The following VWA3A variants were observed in gnomAD, a reference collection of about 807,000 sequenced individuals.
VWA3A encodes the protein von Willebrand factor A domain containing 3A.
In VWA3A, 134 loss-of-function variants were observed where a neutral mutation model predicts 160.4. That is an observed-to-expected ratio of 0.84 (90% CI 0.73 to 0.96). VWA3A has a LOEUF of 0.96. VWA3A is among the 40% of genes least tolerant of loss of function. VWA3A has a pLI of 0.00. For synonymous variants in VWA3A, 476 were observed against 543.4 expected, an observed-to-expected ratio of 0.88 and a Z score of 1.72; for missense variants, 1,310 against 1,447.9, an observed-to-expected ratio of 0.90 and a Z score of 1.55.
chr16:22,107,965 A>G (rs1366104897), intron 6 of VWA3A, among the ~76,000 whole-genome samples: 1 of 152,206 alleles, frequency 6.6e-6, no homozygotes, highest in Non-Finnish European at 1.5e-5. Context: ...CCTGGAAGAC[A>G]TGTGTACTAA....
chr16:22,154,864 G>A (rs1432593619), intron 31 of VWA3A, among the ~76,000 whole-genome samples: 1 of 148,698 alleles, frequency 6.7e-6, no homozygotes, highest in African/African-American at 2.5e-5. Flanking sequence ...TGAGGCAGGA[G>A]AATGGCGTGA....
intron 31 of VWA3A, among the ~76,000 whole-genome samples, chr16:22,153,003 T>C (rs963502009): frequency 4.6e-5 from 7 of 152,164 alleles, no homozygotes; most frequent in African/African-American, 1.7e-4. Flanking sequence ...TAACCTCTTT[T>C]AATATTATAC....
At chr16:22,141,340 C>G in intron 23 of VWA3A, 1 of 642,636 alleles carries the variant, frequency 1.6e-6, no homozygotes, top group Non-Finnish European at 2.9e-6. Context: ...GCAGCATACT[C>G]AAAGCACTTA....
intron 8 of VWA3A, among the ~76,000 whole-genome samples, chr16:22,114,950 C>G (rs1411781624): frequency 6.6e-6 from 1 of 152,060 alleles, no homozygotes; most frequent in African/African-American, 2.4e-5. Context: ...GGATTACAGG[C>G]ATGTACCACC....
At chr16:22,124,829 C>T (rs190330342) in intron 16 of VWA3A, among the ~76,000 whole-genome samples, 9 of 152,120 alleles carry the variant, frequency 5.9e-5, no homozygotes, top group African/African-American at 1.2e-4. Context: ...TGGTAGGAAG[C>T]GGAACTTGAA....
intron 3 of VWA3A, among the ~76,000 whole-genome samples, chr16:22,099,109 A>T (rs2045368739): frequency 6.6e-6 from 1 of 151,848 alleles, no homozygotes; most frequent in Admixed American, 6.6e-5. Flanking sequence ...AGAAAAAAAA[A>T]AAAGTACCAT....
At position 22,100,180 on chromosome 16, in the gene VWA3A, CT is replaced by C; in HGVS notation, c.226-10del. 1 of 1,534,316 alleles carries C rather than the reference CT, an allele frequency of 6.5e-7. No individual in the cohort carries two copies. Among genetic ancestry groups the C allele is most frequent in the Non-Finnish European group, 8.8e-7 (1 of 1,140,490 alleles). ...TTTCCACTTCACGGTTTGACTCTGG[CT>C]TTTGTCTTGCAGAGGCTGCAGGGGA... On this transcript the variant is annotated splice_polypyrimidine_tract_variant and intron_variant, in intron 3 of 33. Coordinates refer to ENST00000389398, the MANE Select transcript of VWA3A (RefSeq NM_173615.5).
chr16:22,117,121 A>G lies in VWA3A; in HGVS notation c.935A>G (p.Lys312Arg). 1 of 1,582,026 alleles carries G rather than the reference A, an allele frequency of 6.3e-7. No individual in the cohort carries two copies. Among genetic ancestry groups the G allele is most frequent in the Non-Finnish European group, 8.6e-7 (1 of 1,163,790 alleles). Residue 312 changes from lysine to arginine, a missense_variant, in exon 11 of 34, where the codon AAG becomes AGG. Transcript: ENST00000389398. ...CDDQMPPAVL[K>R]NLAEAVRGYY... ...GCCTCATCCCTGCAGGCTGTCCTGA[A>G]GAACCTTGCAGAAGCTGTTAGGGGC...
At position 22,109,345 on chromosome 16, in the gene VWA3A, A is replaced by G. The variant is rs183226945; in HGVS notation, c.484-137A>G. The G allele has an allele frequency of 5.1e-5, 36 of 701,096 alleles. 1 individual carries two copies. The Admixed American group carries it at 8.8e-4, about 17-fold the overall frequency. The allele number at this position is 701,096 out of a possible 1,614,324, so 43.4% of individuals were successfully genotyped here. On this transcript the variant is annotated intron_variant, in intron 6 of 33. Coordinates refer to ENST00000389398, the MANE Select transcript of VWA3A (RefSeq NM_173615.5). ...TGACATTGGGTTTTGCTTTTCCCTTATAAAATGAGGTTTCCATCTGCTGCT... is the reference window on the plus strand; with the variant it reads ...TGACATTGGGTTTTGCTTTTCCCTTGTAAAATGAGGTTTCCATCTGCTGCT...
intron 16 of VWA3A, among the ~76,000 whole-genome samples, chr16:22,124,872 T>A (rs1006537905): frequency 2.6e-5 from 4 of 152,156 alleles, no homozygotes; most frequent in Admixed American, 2.6e-4. Flanking sequence ...CCCATAGATT[T>A]TCTTTTGCTA....
intron 21 of VWA3A, among the ~76,000 whole-genome samples, chr16:22,137,397 G>C (rs2046064770): frequency 6.6e-6 from 1 of 152,184 alleles, no homozygotes; most frequent in Non-Finnish European, 1.5e-5. Flanking sequence ...ACAAGTGGAG[G>C]CCACAGTGTC....
chr16:22,126,773 C>T (rs978269783), intron 17 of VWA3A, among the ~76,000 whole-genome samples: 5 of 151,918 alleles, frequency 3.3e-5, no homozygotes, highest in Non-Finnish European at 7.4e-5. Context: ...CTTGGGAGGC[C>T]GAGACAGGAG....
rs572038762 is a variant in VWA3A at position 22,097,594 on chromosome 16, G to A, written c.124G>A (p.Asp42Asn). The change falls in exon 3 of 34, where the codon GAT becomes AAT. Residue 42 changes from aspartate to asparagine, a missense_variant. By Grantham distance (23) the Asp-to-Asn change is conservative (BLOSUM62 1). Coordinates refer to ENST00000389398, the MANE Select transcript of VWA3A (RefSeq NM_173615.5). Reference protein sequence around the residue: ...NHCIRRNTGRDSKKPLKQKNM... With the variant: ...NHCIRRNTGRNSKKPLKQKNM... Reference sequence around the variant, plus strand: ...TAGCATTAGGAGAAACACTGGCAGAGATTCAAAGAAGCCACTAAAGCAGAA... The same window carrying A: ...TAGCATTAGGAGAAACACTGGCAGAAATTCAAAGAAGCCACTAAAGCAGAA... 4 of 1,551,642 alleles carry A rather than the reference G, an allele frequency of 2.6e-6. No homozygotes were observed. The highest frequency in any genetic ancestry group is 3.9e-5 in the Admixed American group (2 of 51,002).
At chr16:22,134,020 G>A (rs1429178766) in intron 20 of VWA3A, among the ~76,000 whole-genome samples, 2 of 152,062 alleles carry the variant, frequency 1.3e-5, no homozygotes, top group Non-Finnish European at 2.9e-5. Flanking sequence ...CTGGAGTGCA[G>A]TGGTGCCATC....
Position 22,134,435 on chromosome 16 carries a change from A to C in VWA3A, c.2136A>C (p.Gln712His). ...SEMEKALNYS[Q>H]KCAFLMASLK... ...TGGAAAAGGCTCTCAACTACTCCCAAAAGGTATGCCCTGGGCATGGGCCAA... is the reference window on the plus strand; with the variant it reads ...TGGAAAAGGCTCTCAACTACTCCCACAAGGTATGCCCTGGGCATGGGCCAA... The change falls in exon 21 of 34, where the codon CAA becomes CAC. Residue 712 changes from glutamine (Q) to histidine (H), a missense_variant. Coordinates refer to ENST00000389398, the MANE Select transcript of VWA3A (RefSeq NM_173615.5). 1 of 1,589,872 alleles carries C rather than the reference A, an allele frequency of 6.3e-7. No individual in the cohort carries two copies. Among genetic ancestry groups the C allele is most frequent in the Non-Finnish European group, 8.6e-7 (1 of 1,167,262 alleles).
chr16:22,127,661 T>TTTTA (rs1471548612), intron 17 of VWA3A, among the ~76,000 whole-genome samples: 2 of 152,160 alleles, frequency 1.3e-5, no homozygotes, highest in Admixed American at 6.6e-5. Flanking sequence ...AGATAAGGAA[T>TTTTA]TTTATTTATT....
At chr16:22,153,505 T>C (rs1221321646) in intron 31 of VWA3A, among the ~76,000 whole-genome samples, 1 of 152,188 alleles carries the variant, frequency 6.6e-6, no homozygotes, top group African/African-American at 2.4e-5. Context: ...TGTTAAGCAA[T>C]AGATCTGGCA....
intron 2 of VWA3A, among the ~76,000 whole-genome samples, chr16:22,097,186 C>T (rs781494050): frequency 1.1e-4 from 16 of 151,940 alleles, no homozygotes; most frequent in African/African-American, 2.7e-4. Context: ...AGGATGGTCT[C>T]GATCCCCTGA....
intron 26 of VWA3A, among the ~76,000 whole-genome samples, chr16:22,144,632 C>T (rs975445182): frequency 6.6e-5 from 10 of 151,916 alleles, no homozygotes; most frequent in African/African-American, 2.4e-4. Context: ...AAACAATTGC[C>T]GAGGCCAGGT....
Sources: allele counts gnomAD v4.1 joint callset (sites outside exome capture counted in the v4.1 genomes callset), GRCh38; gene constraint gnomAD v4.1.1; transcripts MANE v1.5; gene names NCBI Gene and HGNC (gene_info 2026-07-23, HGNC 2026-07-21).